The following RBBP8NL variants were observed in gnomAD, a reference collection of about 807,000 sequenced individuals.
RBBP8NL encodes the protein RBBP8 N-terminal-like protein.
A neutral mutation model predicts 62.2 loss-of-function variants in RBBP8NL; 59 were observed. The observed-to-expected ratio is 0.95, with a 90% CI of 0.77 to 1.18. RBBP8NL has a LOEUF of 1.18. Among genes scored for constraint, RBBP8NL ranks in the 50% most tolerant of loss-of-function variants. The pLI is 0.00. For synonymous variants in RBBP8NL, 412 were observed against 394.1 expected, an observed-to-expected ratio of 1.05 and a Z score of -0.54; for missense variants, 896 against 899.5, an observed-to-expected ratio of 1.00 and a Z score of 0.05.
chr20:62,412,976 G>A (rs1448391637), intron 11 of RBBP8NL, 76 bp from the exon 12 acceptor site: 1 of 1,524,226 alleles, frequency 6.6e-7, no homozygotes, highest in East Asian at 2.3e-5. Flanking sequence ...ACTAGGATGG[G>A]TGGAGCCAAC....
intron 1 of RBBP8NL, among the ~76,000 whole-genome samples, chr20:62,420,206 A>AC (rs1232811541): frequency 6.6e-6 from 1 of 151,866 alleles, no homozygotes; most frequent in Non-Finnish European, 1.5e-5. Flanking sequence ...AGCCCCACAG[A>AC]CCCTACCATG....
chr20:62,425,517 G>A (rs1021066208), intron 1 of RBBP8NL, among the ~76,000 whole-genome samples: 16 of 152,376 alleles, frequency 1.1e-4, no homozygotes, highest in African/African-American at 3.6e-4. Context: ...GGCCCTGGCA[G>A]GACTGGACAT....
Position 62,410,551 on chromosome 20 carries a change from C to T in RBBP8NL, c.*327G>A. ...AGGTGCTGGGCTGTGGGAGGGGCCGCAGAGCATTTCCCAGGTGGGTGGAGA... is the reference window on the plus strand; with the variant it reads ...AGGTGCTGGGCTGTGGGAGGGGCCGTAGAGCATTTCCCAGGTGGGTGGAGA... On this transcript the variant is annotated 3_prime_UTR_variant, in exon 14 of 14. Coordinates refer to ENST00000252998, the MANE Select transcript of RBBP8NL (RefSeq NM_080833.3). The T allele has an allele frequency of 5.6e-6, 2 of 359,730 alleles. No homozygotes were observed. Among genetic ancestry groups the T allele is most frequent in the South Asian group, 8.9e-5 (2 of 22,360 alleles). 22.3% of individuals were successfully genotyped at this position (359,730 alleles called of 1,614,324 possible).
chr20:62,422,644 G>A (rs1988730833), intron 1 of RBBP8NL, among the ~76,000 whole-genome samples: 1 of 149,428 alleles, frequency 6.7e-6, no homozygotes, highest in South Asian at 2.1e-4. Flanking sequence ...GGCCCGGGGT[G>A]GGGATGGGGA....
rs773098744 is a variant in RBBP8NL at position 62,415,622 on chromosome 20, T to G, written c.583A>C (p.Ile195Leu). The change falls in exon 8 of 14, where the codon ATC becomes CTC. Residue 195 changes from isoleucine (I) to leucine (L), a missense_variant. By Grantham distance (5) the Ile-to-Leu change is conservative. Transcript: ENST00000252998. ...TCAGGCAGGGTGGCCCCTGGGGAGA[T>G]TTTGGCCACTGGAGATGTCCTGTGC... Reference protein sequence around the residue: ...AGHRTSPVAKISPGATLPESR... With the variant: ...AGHRTSPVAKLSPGATLPESR... 1.9e-6 allele frequency: 3 copies of G among 1,612,740 alleles called. No individual in the cohort carries two copies. In the East Asian group the frequency reaches 6.7e-5, roughly 36 times the overall value.
chr20:62,415,720 G>T, intron 7 of RBBP8NL, 60 bp from the exon 8 acceptor site: 1 of 1,609,252 alleles, frequency 6.2e-7, no homozygotes. Context: ...CAGCGGCCCA[G>T]CCCCAGGGGG....
intron 5 of RBBP8NL, 39 bp from the exon 6 acceptor site, chr20:62,416,275 G>T (rs757254447): frequency 2.2e-6 from 3 of 1,368,614 alleles, no homozygotes; most frequent in Non-Finnish European, 3.1e-6. Flanking sequence ...CCAGGGGTTG[G>T]GGGGGACAGG....
At chr20:62,424,820 G>A (rs1336111862) in intron 1 of RBBP8NL, among the ~76,000 whole-genome samples, 4 of 152,152 alleles carry the variant, frequency 2.6e-5, no homozygotes, top group Non-Finnish European at 5.9e-5. Flanking sequence ...ACTCAGAGGG[G>A]GCAGAGGTTT....
chr20:62,410,579 G>C lies in RBBP8NL; in HGVS notation c.*299C>G, dbSNP rs1988411020. 4 of 431,474 alleles carry C rather than the reference G, an allele frequency of 9.3e-6. No individual in the cohort carries two copies. In the Admixed American group the frequency reaches 1.6e-4, roughly 18 times the overall value. 26.7% of individuals were successfully genotyped at this position (431,474 alleles called of 1,614,324 possible). A position where few individuals can be genotyped will look rare whatever the true frequency, so the allele number is the denominator to read the frequency against. ...AGCATTTCCCAGGTGGGTGGAGACG[G>C]GGTGAATCGCCAGCCTGAGACCCCT... On this transcript the variant is annotated 3_prime_UTR_variant, in exon 14 of 14. Transcript: ENST00000252998.
chr20:62,420,611 C>T (rs1988678538), intron 1 of RBBP8NL, among the ~76,000 whole-genome samples: 1 of 152,186 alleles, frequency 6.6e-6, no homozygotes. Context: ...TGGGTATACG[C>T]AGACACATGC....
At chr20:62,419,927 C>T (rs572693866) in intron 1 of RBBP8NL, among the ~76,000 whole-genome samples, 197 bp from the exon 2 acceptor site, 1 of 152,340 alleles carries the variant, frequency 6.6e-6, no homozygotes, top group Admixed American at 6.5e-5. Context: ...GTGGCTTCCT[C>T]CCACACGTAT....
rs553266490 is a variant in RBBP8NL at position 62,417,185 on chromosome 20, C to T, written c.200+39G>A. 4.2e-5 allele frequency: 62 copies of T among 1,486,716 alleles called. No individual in the cohort carries two copies. In the African/African-American group the frequency reaches 5.7e-4, roughly 14 times the overall value. 92.1% of individuals were successfully genotyped at this position (1,486,716 alleles called of 1,614,324 possible). A position where few individuals can be genotyped will look rare whatever the true frequency, so the allele number is the denominator to read the frequency against. On this transcript the variant is annotated intron_variant, in intron 4 of 13. Transcript: ENST00000252998. ...TCACCTCCTCCTCTCCTGAGCCCAC[C>T]GGTCCTGGCCATGCTGCGAGGTGTC...
intron 1 of RBBP8NL, among the ~76,000 whole-genome samples, chr20:62,425,450 CA>C (rs1988784093): frequency 6.6e-6 from 1 of 152,218 alleles, no homozygotes; most frequent in African/African-American, 2.4e-5. Context: ...TGGCTACACC[CA>C]GGGGAGATGC....
chr20:62,421,301 ATGTGTGTGCACGCCC>A (rs1988692673), intron 1 of RBBP8NL, among the ~76,000 whole-genome samples: 1 of 127,546 alleles, frequency 7.8e-6, no homozygotes, highest in Admixed American at 7.8e-5. Flanking sequence ...TGTGTGTGCC[ATGTGTGTGCACGCCC>A]GAGCCAGTGT....
At chr20:62,422,790 G>T (rs558032906) in intron 1 of RBBP8NL, among the ~76,000 whole-genome samples, 17 of 152,130 alleles carry the variant, frequency 1.1e-4, no homozygotes, top group Non-Finnish European at 2.1e-4. Flanking sequence ...AGGGGTGTGG[G>T]ACAGAGTGTG....
Position 62,414,272 on chromosome 20 carries a change from G to C in RBBP8NL, c.1079C>G (p.Ala360Gly), listed in dbSNP as rs1465747345. 1 of 1,585,042 alleles carries C rather than the reference G, an allele frequency of 6.3e-7. No individual in the cohort carries two copies. The highest frequency in any genetic ancestry group is 1.8e-5 in the Admixed American group (1 of 56,052). Reference protein sequence around the residue: ...RLEGALHLLLAQQQLRARARA... With the variant: ...RLEGALHLLLGQQQLRARARA... ...GGCCCTAGCCCGCAGCTGCTGCTGG[G>C]CCAGGAGCAGGTGCAGTGCCCCCTC... The change falls in exon 10 of 14, where the codon GCC becomes GGC. Residue 360 changes from alanine (A) to glycine (G), a missense_variant. By Grantham distance (60) the Ala-to-Gly change is moderately conservative. Coordinates refer to ENST00000252998, the MANE Select transcript of RBBP8NL (RefSeq NM_080833.3).
chr20:62,427,017 C>A (rs1988825759), intron 1 of RBBP8NL, among the ~76,000 whole-genome samples: 1 of 152,234 alleles, frequency 6.6e-6, no homozygotes, highest in Non-Finnish European at 1.5e-5. Flanking sequence ...GCAGAGGAGT[C>A]CCCTGCTCAG....
At chr20:62,411,296 C>G (rs1003912997) in intron 13 of RBBP8NL, among the ~76,000 whole-genome samples, 1 of 152,230 alleles carries the variant, frequency 6.6e-6, no homozygotes, top group Non-Finnish European at 1.5e-5. Context: ...TACTGGCTGG[C>G]CTGACACTGG....
Position 62,412,862 on chromosome 20 carries a change from C to G in RBBP8NL, c.1714G>C (p.Glu572Gln), listed in dbSNP as rs145375194. ...KAEVLRPESDELDETDTPGSE... is the reference protein window; with the variant it reads ...KAEVLRPESDQLDETDTPGSE... ...CCTGGGGTGTCTGTCTCATCCAGTT[C>G]GTCGGACTCTGGTCTCAGCACTTCA... The change falls in exon 12 of 14, where the codon GAA becomes CAA. Residue 572 changes from glutamate (E) to glutamine (Q), a missense_variant. Glu to Gln is a conservative substitution (Grantham distance 29). Transcript: ENST00000252998. 6.2e-7 allele frequency: 1 copy of G among 1,613,510 alleles called. No individual in the cohort carries two copies. Among genetic ancestry groups the G allele is most frequent in the Non-Finnish European group, 8.5e-7 (1 of 1,179,998 alleles).
Sources: gnomAD v4.1 joint callset for allele counts (sites outside exome capture counted in the v4.1 genomes callset) on GRCh38, gnomAD v4.1.1 for gene constraint, MANE v1.5 for transcripts, NCBI Gene and HGNC (gene_info 2026-07-23, HGNC 2026-07-21) for gene names.